The following PLCB1 variants were observed in gnomAD, a reference collection of about 807,000 sequenced individuals.
PLCB1 encodes 1-phosphatidylinositol 4,5-bisphosphate phosphodiesterase beta-1.
PLCB1 carries 46 observed loss-of-function variants against 161.8 expected under a neutral mutation model. The ratio of observed to expected loss-of-function variants is 0.28; its 90% CI spans 0.22 to 0.36. PLCB1 has a LOEUF of 0.36. Among genes scored for constraint, PLCB1 ranks in the 10% least tolerant of loss-of-function variants. The pLI is 1.00. For synonymous variants in PLCB1, 517 were observed against 503.7 expected (o/e 1.03, Z -0.35); for missense variants, 1,016 against 1,472.5 (o/e 0.69, Z 5.07).
intron 27 of PLCB1, among the ~76,000 whole-genome samples, chr20:8,778,207 G>A (rs1207617413): frequency 6.6e-6 from 1 of 152,112 alleles, no homozygotes; most frequent in East Asian, 1.9e-4. Flanking sequence ...TAATACTCAC[G>A]GGAGATTCCT....
chr20:8,552,047 T>C (rs1054872198), intron 3 of PLCB1, among the ~76,000 whole-genome samples: 6 of 152,162 alleles, frequency 3.9e-5, no homozygotes, highest in Non-Finnish European at 7.3e-5. Flanking sequence ...GCTTTTATGC[T>C]TGTTTGCAAA....
intron 2 of PLCB1, among the ~76,000 whole-genome samples, chr20:8,170,392 A>T (rs2051721614): frequency 6.6e-6 from 1 of 152,182 alleles, no homozygotes; most frequent in African/African-American, 2.4e-5. Flanking sequence ...GAAAAATATA[A>T]CTCGAGTAAT....
At chr20:8,634,907 G>T (rs1007869900) in intron 4 of PLCB1, among the ~76,000 whole-genome samples, 1 of 151,942 alleles carries the variant, frequency 6.6e-6, no homozygotes, top group African/African-American at 2.4e-5. Flanking sequence ...CTTTACAATT[G>T]TAATATTAAT....
intron 13 of PLCB1, among the ~76,000 whole-genome samples, chr20:8,716,940 A>G (rs952349829): frequency 2.6e-5 from 4 of 152,218 alleles, no homozygotes; most frequent in African/African-American, 9.7e-5. Context: ...CGCTCATTGC[A>G]AGCCAAGAAT....
At chr20:8,266,594 T>C (rs566564903) in intron 2 of PLCB1, among the ~76,000 whole-genome samples, 12 of 152,258 alleles carry the variant, frequency 7.9e-5, no homozygotes, top group Middle Eastern at 3.4e-3. Flanking sequence ...AGGCTATTAA[T>C]TGGGGTGCTA....
chr20:8,291,264 G>A (rs1983370841), intron 2 of PLCB1, among the ~76,000 whole-genome samples: 1 of 152,116 alleles, frequency 6.6e-6, no homozygotes, highest in Non-Finnish European at 1.5e-5. Context: ...GCAGGGTGTT[G>A]TTCTCTGAGT....
At chr20:8,136,071 G>A (rs1007217873) in intron 1 of PLCB1, among the ~76,000 whole-genome samples, 3 of 152,116 alleles carry the variant, frequency 2.0e-5, no homozygotes, top group Non-Finnish European at 4.4e-5. Context: ...TAAGCACTCT[G>A]TCTCACTGTC....
chr20:8,532,206 C>T (rs755437089), intron 3 of PLCB1, among the ~76,000 whole-genome samples: 10 of 152,178 alleles, frequency 6.6e-5, no homozygotes, highest in Non-Finnish European at 4.4e-5. Flanking sequence ...ACAAAATGAG[C>T]GTTTAAACTG....
In PLCB1 at chr20:8,558,435, A is replaced by C. The variant is rs1042094372; in HGVS notation, c.247-69859A>C. On this transcript the variant is annotated intron_variant, in intron 3 of 31. Coordinates refer to ENST00000338037, the MANE Select transcript of PLCB1 (RefSeq NM_015192.4). Reference sequence around the variant, plus strand: ...GAATAAAGAAAAATGAACAGAACCCAAGAGACCTGTGAGACACCATCAAGC... The same window carrying C: ...GAATAAAGAAAAATGAACAGAACCCCAGAGACCTGTGAGACACCATCAAGC... Among the ~76,000 whole-genome samples, 3 of 151,930 alleles carry C rather than the reference A, an allele frequency of 2.0e-5. No homozygotes were observed. The East Asian group carries it at 5.8e-4, about 29-fold the overall frequency.
rs73593730 is a variant in PLCB1, at chr20:8,440,140, G to A, written c.246+68690G>A. Among the ~76,000 whole-genome samples, 806 of 152,226 alleles carry A rather than the reference G, an allele frequency of 5.3e-3. 8 individuals carry two copies. Among genetic ancestry groups the A allele is most frequent in the African/African-American group, 0.017 (713 of 41,538 alleles). On this transcript the variant is annotated intron_variant, in intron 3 of 31. Transcript: ENST00000338037. ...AATGTATGCTGATCACCTCAAGGTC[G>A]CCATGAAATGGGAAGATTTAAACTA...
chr20:8,831,473 T>C (rs901592457), intron 31 of PLCB1: 1 of 152,224 alleles, frequency 6.6e-6, no homozygotes, highest in Non-Finnish European at 1.5e-5. Context: ...ACTGTATTAA[T>C]TGATTAATTT....
chr20:8,132,860 GC>G lies in PLCB1; in HGVS notation c.99+111del. ...TATGCAATGGGCGCACTGGGAGCGGGCAGGGGCAGCCTCGGGCGCACAGGTT... is the reference window on the plus strand; with the variant it reads ...TATGCAATGGGCGCACTGGGAGCGGGAGGGGCAGCCTCGGGCGCACAGGTT... On this transcript the variant is annotated intron_variant, in intron 1 of 31. Transcript: ENST00000338037. The surrounding 1 kb of genome is among the most constrained non-coding windows in gnomAD (Gnocchi z 5.2). 1 of 742,574 alleles carries G rather than the reference GC, an allele frequency of 1.3e-6. No individual in the cohort carries two copies. Among genetic ancestry groups the G allele is most frequent in the African/African-American group, 1.8e-5 (1 of 56,096 alleles). 46.0% of individuals were successfully genotyped at this position (742,574 alleles called of 1,614,324 possible). A position where few individuals can be genotyped will look rare whatever the true frequency, so the allele number is the denominator to read the frequency against.
intron 3 of PLCB1, among the ~76,000 whole-genome samples, chr20:8,480,009 G>A (rs1982433409): frequency 6.6e-6 from 1 of 152,126 alleles, no homozygotes; most frequent in East Asian, 1.9e-4. Context: ...GGTTTCTAAA[G>A]GTTTTCTCAG....
At chr20:8,246,759 C>T (rs2123214633) in intron 2 of PLCB1, among the ~76,000 whole-genome samples, 1 of 151,572 alleles carries the variant, frequency 6.6e-6, no homozygotes, top group African/African-American at 2.4e-5. Flanking sequence ...CTGAGAATAC[C>T]TTGTACATAG....
intron 3 of PLCB1, among the ~76,000 whole-genome samples, chr20:8,469,287 T>C (rs1362008068): frequency 1.3e-5 from 2 of 152,124 alleles, no homozygotes; most frequent in Admixed American, 1.3e-4. Flanking sequence ...AATACTCAGA[T>C]TATATATAGG....
intron 18 of PLCB1, 128 bp downstream of exon 18, chr20:8,729,302 A>T: frequency 1.3e-6 from 1 of 776,278 alleles, no homozygotes. Flanking sequence ...GCAAATTTCA[A>T]TGAAGGGAAT....
intron 3 of PLCB1, among the ~76,000 whole-genome samples, chr20:8,389,361 T>A (rs1423470837): frequency 6.6e-6 from 1 of 152,224 alleles, no homozygotes; most frequent in Non-Finnish European, 1.5e-5. Context: ...GCCAAAGGGT[T>A]CTAAAGGACC....
chr20:8,363,833 ATC>A (rs1290777055), intron 2 of PLCB1, among the ~76,000 whole-genome samples: 2 of 152,200 alleles, frequency 1.3e-5, no homozygotes, highest in Non-Finnish European at 2.9e-5. Flanking sequence ...AGTCATAACT[ATC>A]TCTGTTAGTT....
chr20:8,411,659 A>G (rs766818688), intron 3 of PLCB1, among the ~76,000 whole-genome samples: 3 of 152,196 alleles, frequency 2.0e-5, no homozygotes, highest in African/African-American at 4.8e-5. Flanking sequence ...AGAGACCCCA[A>G]TAGCAGAAGA....
Sources: gnomAD v4.1 joint callset for allele counts (sites outside exome capture counted in the v4.1 genomes callset) on GRCh38, gnomAD v4.1.1 for gene constraint, Gnocchi (gnomAD v3.1) non-coding constraint, MANE v1.5 for transcripts, NCBI Gene and HGNC (gene_info 2026-07-23, HGNC 2026-07-21) for gene names.